DNAJC3: variants seen among roughly 807,000 people sequenced by gnomAD.
The protein encoded by DNAJC3 is dnaJ homolog subfamily C member 3.
In DNAJC3, 38 loss-of-function variants were observed where a neutral mutation model predicts 68.6. The ratio of observed to expected loss-of-function variants is 0.55; its 90% confidence interval spans 0.43 to 0.73. DNAJC3 has a LOEUF of 0.73. Among genes scored for constraint, DNAJC3 ranks in the 30% least tolerant of loss-of-function variants. The probability of loss-of-function intolerance (pLI) is 0.00; values close to 1 mark genes in which losing one functional copy is unlikely to be tolerated. For missense variants in DNAJC3, 526 were observed against 591.9 expected, an observed-to-expected ratio of 0.89 and a Z score of 1.16; for synonymous variants, 203 against 204.0, an observed-to-expected ratio of 1.00 and a Z score of 0.04.
chr13:95,683,932 C>CAA (rs33918497), intron 1 of DNAJC3, among the ~76,000 whole-genome samples: 10,912 of 116,798 alleles, frequency 0.093, 684 homozygotes, highest in East Asian at 0.17. Flanking sequence ...AACTCCATCT[C>CAA]AAAAAAAAAA....
intron 4 of DNAJC3, among the ~76,000 whole-genome samples, chr13:95,736,582 C>G (rs1881928949): frequency 6.6e-6 from 1 of 151,210 alleles, no homozygotes; most frequent in East Asian, 1.9e-4. Context: ...CTCTTTGAAG[C>G]AATTGTGAAT....
intron 4 of DNAJC3, among the ~76,000 whole-genome samples, chr13:95,750,124 G>A (rs57435628): frequency 6.6e-6 from 1 of 151,890 alleles, no homozygotes; most frequent in African/African-American, 2.4e-5. Flanking sequence ...GTCTCCAATC[G>A]AACGCCTAAA....
intron 4 of DNAJC3, among the ~76,000 whole-genome samples, chr13:95,738,904 G>A (rs1882024159): frequency 6.6e-6 from 1 of 151,990 alleles, no homozygotes; most frequent in Non-Finnish European, 1.5e-5. Flanking sequence ...AGTTGATGCA[G>A]TTTCTTCCTA....
At chr13:95,780,683 G>A (rs1883425061) in intron 9 of DNAJC3, among the ~76,000 whole-genome samples, 1 of 152,226 alleles carries the variant, frequency 6.6e-6, no homozygotes, top group Non-Finnish European at 1.5e-5. Context: ...GGCAGCAGGA[G>A]AATGTTGGTG....
intron 10 of DNAJC3, among the ~76,000 whole-genome samples, chr13:95,786,668 A>G (rs566894680): frequency 1.6e-3 from 244 of 152,332 alleles, no homozygotes; most frequent in African/African-American, 5.4e-3. Flanking sequence ...ATTCAGAGTC[A>G]AATATTTTTT....
In DNAJC3 at chr13:95,677,215, G is replaced by C; in HGVS notation, c.-41G>C. The C allele has an allele frequency of 1.9e-6, 3 of 1,579,204 alleles. No individual in the cohort carries two copies. In the Middle Eastern group the frequency reaches 5.0e-4, roughly 266 times the overall value. On this transcript the variant is annotated 5_prime_UTR_variant, in exon 1 of 12. Transcript: ENST00000602402. ...CCGGAGCGCCGGCGCGTGCTGGTGGGCCACACACCTTTCCTCCTCTTCACT... is the reference window on the plus strand; with the variant it reads ...CCGGAGCGCCGGCGCGTGCTGGTGGCCCACACACCTTTCCTCCTCTTCACT...
chr13:95,701,620 C>T (rs776045962), intron 1 of DNAJC3, among the ~76,000 whole-genome samples: 4 of 152,276 alleles, frequency 2.6e-5, no homozygotes, highest in South Asian at 2.1e-4. Flanking sequence ...TGAATTTTCT[C>T]GCATGTATGT....
intron 9 of DNAJC3, among the ~76,000 whole-genome samples, chr13:95,765,491 C>A (rs1307186045): frequency 6.7e-6 from 1 of 148,826 alleles, no homozygotes; most frequent in Non-Finnish European, 1.5e-5. Context: ...GTTAAACTGA[C>A]TTGCTTTTTG....
chr13:95,685,335 GGCCCGTA>G (rs1880044501), intron 1 of DNAJC3, among the ~76,000 whole-genome samples: 1 of 152,212 alleles, frequency 6.6e-6, no homozygotes, highest in Non-Finnish European at 1.5e-5. Flanking sequence ...ACGTGCATGG[GGCCCGTA>G]GCCTTTTTCT....
intron 1 of DNAJC3, chr13:95,692,480 ATAGT>A (rs1477788703): frequency 6.6e-6 from 1 of 152,070 alleles, no homozygotes; most frequent in Non-Finnish European, 1.5e-5. Context: ...TATGTTTAGC[ATAGT>A]TAAATATTCT....
chr13:95,790,841 A>G (rs1265377203), intron 11 of DNAJC3, 32 bp from the exon 12 acceptor site: 3 of 1,599,164 alleles, frequency 1.9e-6, no homozygotes, highest in South Asian at 1.1e-5. Context: ...CTTAGATATT[A>G]TCTGGTTCTT....
intron 2 of DNAJC3, among the ~76,000 whole-genome samples, chr13:95,720,001 C>T (rs1026955116): frequency 6.6e-6 from 1 of 151,958 alleles, no homozygotes; most frequent in African/African-American, 2.4e-5. Context: ...TCAGTACAGA[C>T]ACAGTTTTTT....
intron 7 of DNAJC3, 119 bp downstream of exon 7, chr13:95,760,917 G>A (rs566109123): frequency 7.4e-7 from 1 of 1,356,848 alleles, no homozygotes; most frequent in Non-Finnish European, 9.7e-7. Flanking sequence ...ATTCTAGATA[G>A]CCCTGGGCCT....
intron 11 of DNAJC3, among the ~76,000 whole-genome samples, chr13:95,788,484 C>CT (rs1179126617): frequency 4.6e-5 from 7 of 152,304 alleles, no homozygotes; most frequent in Middle Eastern, 3.4e-3. Context: ...ACTATCTTTT[C>CT]TTTTAAAGAC....
At chr13:95,757,155 A>G (rs1428241006) in intron 4 of DNAJC3, among the ~76,000 whole-genome samples, 1 of 152,120 alleles carries the variant, frequency 6.6e-6, no homozygotes, top group Non-Finnish European at 1.5e-5. Context: ...CCCTTTTGGT[A>G]TCAGATCTTT....
intron 2 of DNAJC3, among the ~76,000 whole-genome samples, chr13:95,721,663 T>G (rs60521785): frequency 1.3e-5 from 2 of 151,992 alleles, no homozygotes; most frequent in African/African-American, 4.8e-5. Flanking sequence ...TGGTTTTGCT[T>G]TTTTAGTTTT....
At chr13:95,742,582 T>C (rs1882178198) in intron 4 of DNAJC3, 1 of 469,698 alleles carries the variant, frequency 2.1e-6, no homozygotes. Flanking sequence ...CTCTTTGGGC[T>C]CTTATCCCAG....
At chr13:95,783,372 A>G (rs1367279383) in intron 9 of DNAJC3, among the ~76,000 whole-genome samples, 1 of 152,238 alleles carries the variant, frequency 6.6e-6, no homozygotes, top group East Asian at 1.9e-4. Context: ...TCTGAAATGT[A>G]AGAATGAAAA....
chr13:95,787,664 T>C (rs1264674936), intron 11 of DNAJC3, among the ~76,000 whole-genome samples: 1 of 151,442 alleles, frequency 6.6e-6, no homozygotes. Context: ...CACAGGCTTA[T>C]ATGTGTTTTT....
Sources: allele counts gnomAD v4.1 joint callset (sites outside exome capture counted in the v4.1 genomes callset), GRCh38; gene constraint gnomAD v4.1.1; transcripts MANE v1.5; gene names NCBI Gene and HGNC (gene_info 2026-07-23, HGNC 2026-07-21).